Variants in MPND observed in about 807,000 individuals in gnomAD.
MPND encodes the protein MPN domain containing.
A neutral mutation model predicts 59.2 loss-of-function variants in MPND; 56 were observed. The observed-to-expected ratio is 0.95, with a 90% CI of 0.76 to 1.18. The LOEUF (loss-of-function observed/expected upper bound fraction) is 1.18, where lower values mean the gene tolerates loss of function less well. MPND is among the 50% of genes most tolerant of loss of function. MPND has a pLI of 0.00. For synonymous variants in MPND, 323 were observed against 291.9 expected (o/e 1.11, Z -1.09); for missense variants, 671 against 676.0 (o/e 0.99, Z 0.08).
At chr19:4,344,125 G>T (rs1460506241) in intron 2 of MPND, 131 bp downstream of exon 2, 2 of 615,552 alleles carry the variant, frequency 3.2e-6, no homozygotes, top group South Asian at 8.0e-5. Context: ...CCCTTGCTGA[G>T]AGACGAGCCC....
intron 8 of MPND, among the ~76,000 whole-genome samples, chr19:4,355,811 G>C (rs1352985376): frequency 4.6e-5 from 7 of 151,252 alleles, no homozygotes; most frequent in Non-Finnish European, 1.0e-4. Flanking sequence ...GCCCACCTCG[G>C]TCTCCCAAAG....
intron 9 of MPND, 41 bp downstream of exon 9, chr19:4,357,462 T>C (rs371185581): frequency 1.9e-5 from 30 of 1,609,424 alleles, no homozygotes; most frequent in Non-Finnish European, 2.5e-5. Context: ...GGAGGGGGGA[T>C]GCTGGGCCAG....
Position 4,343,934 on chromosome 19 carries a change from G to GGCT in MPND, c.235_236insCTG (p.Arg78_Val79insAla). 7.3e-7 allele frequency: 1 copy of GGCT among 1,369,922 alleles called. No homozygotes were observed. Among genetic ancestry groups the GGCT allele is most frequent in the South Asian group, 1.7e-5 (1 of 59,112 alleles). The allele number at this position is 1,369,922 out of a possible 1,614,324, so 84.9% of individuals were successfully genotyped here. The stretch of plus-strand genomic sequence containing the variant: ...TCACCAGGCGCGCGGTCACACTGCG[G>GGCT]GTGCTCCTCAAAGACGCGCTGCTGG... On this transcript the variant is annotated inframe_insertion, in exon 2 of 13. Coordinates refer to ENST00000599840, the MANE Select transcript of MPND (RefSeq NM_001300862.2).
intron 3 of MPND, 93 bp from the exon 4 acceptor site, chr19:4,352,804 C>T: frequency 7.9e-7 from 1 of 1,271,386 alleles, no homozygotes; most frequent in Non-Finnish European, 1.0e-6. Context: ...GCACTTACGG[C>T]TTAGGCCAAA....
rs1972489583 is a variant in MPND at position 4,358,230 on chromosome 19, T to C, written c.1326+58T>C. 4 of 1,429,252 alleles carry C rather than the reference T, an allele frequency of 2.8e-6. No homozygotes were observed. In the South Asian group the frequency reaches 3.7e-5, roughly 13 times the overall value. The allele number at this position is 1,429,252 out of a possible 1,614,324, so 88.5% of individuals were successfully genotyped here. On this transcript the variant is annotated intron_variant, in intron 11 of 12. Coordinates refer to ENST00000599840, the MANE Select transcript of MPND (RefSeq NM_001300862.2). ...TGGCAGTGCGCAGCTGGGCACACGA[T>C]GCGTTGGTCTGCTTCCCACCGGTGG...
chr19:4,359,353 G>A (rs1056102600), intron 12 of MPND, 98 bp downstream of exon 12: 1 of 858,750 alleles, frequency 1.2e-6, no homozygotes, highest in Non-Finnish European at 1.9e-6. Flanking sequence ...GGGCCTCAGG[G>A]GCCTGAGACA....
Position 4,359,190 on chromosome 19 carries a change from T to TC in MPND, c.1358dup (p.Asp454Ter). The TC allele has an allele frequency of 6.2e-7, 1 of 1,613,114 alleles. No individual in the cohort carries two copies. The highest frequency in any genetic ancestry group is 1.1e-5 in the South Asian group (1 of 91,048). On this transcript the variant is annotated frameshift_variant, in exon 12 of 13. Transcript: ENST00000599840. LOFTEE classifies it high-confidence loss of function. ...GCTGCTGGTGGAGTTCTACAAGGGT[T>TC]CCCCTGACCTCGTGAGGCTCCAGGA...
chr19:4,352,429 A>T (rs1357058965), intron 3 of MPND, among the ~76,000 whole-genome samples: 3 of 152,170 alleles, frequency 2.0e-5, no homozygotes, highest in Non-Finnish European at 4.4e-5. Flanking sequence ...TTACGCCTGT[A>T]ATCCCAGCAC....
chr19:4,355,863 T>G (rs1248042636), intron 8 of MPND, among the ~76,000 whole-genome samples: 1 of 143,874 alleles, frequency 7.0e-6, no homozygotes, highest in Admixed American at 6.9e-5. Context: ...CGGCCTTTTT[T>G]TTTTTTTTCT....
intron 3 of MPND, among the ~76,000 whole-genome samples, chr19:4,351,627 C>T (rs949650704): frequency 1.3e-5 from 2 of 151,796 alleles, no homozygotes; most frequent in African/African-American, 2.4e-5. Flanking sequence ...CTTTGGGTGG[C>T]CGAGATGGGC....
intron 10 of MPND, 121 bp downstream of exon 10, chr19:4,357,706 C>G (rs1972474315): frequency 3.1e-6 from 3 of 960,152 alleles, no homozygotes; most frequent in Admixed American, 2.8e-5. Flanking sequence ...GTTTCTCCAT[C>G]TATGAAATGG....
At chr19:4,358,839 A>C (rs1358855739) in intron 11 of MPND, among the ~76,000 whole-genome samples, 1 of 152,146 alleles carries the variant, frequency 6.6e-6, no homozygotes, top group Admixed American at 6.5e-5. Context: ...GTGACCTCAC[A>C]GGTGTCACTG....
chr19:4,352,183 A>G (rs1972333626), intron 3 of MPND, among the ~76,000 whole-genome samples: 2 of 152,110 alleles, frequency 1.3e-5, no homozygotes, highest in African/African-American at 4.8e-5. Flanking sequence ...AAAGAAAAAA[A>G]AAAAGATAAA....
intron 11 of MPND, among the ~76,000 whole-genome samples, chr19:4,358,940 G>A (rs1003896621): frequency 6.6e-6 from 1 of 152,176 alleles, no homozygotes; most frequent in African/African-American, 2.4e-5. Context: ...TGGACCTCTC[G>A]TGGCAGCCAC....
At chr19:4,350,772 A>T (rs903892317) in intron 3 of MPND, among the ~76,000 whole-genome samples, 2 of 151,904 alleles carry the variant, frequency 1.3e-5, no homozygotes, top group African/African-American at 4.8e-5. Context: ...CTGAGTCTGG[A>T]GCCGGGCGAG....
At chr19:4,352,348 T>G (rs925904021) in intron 3 of MPND, among the ~76,000 whole-genome samples, 1 of 152,202 alleles carries the variant, frequency 6.6e-6, no homozygotes, top group Non-Finnish European at 1.5e-5. Flanking sequence ...TAGGCATAAA[T>G]GGCAATGGTG....
chr19:4,357,935 C>G, intron 10 of MPND, 148 bp from the exon 11 acceptor site: 1 of 666,094 alleles, frequency 1.5e-6, no homozygotes, highest in Non-Finnish European at 2.6e-6. Context: ...CACTGCCTCC[C>G]TGGTCCCACC....
In MPND at chr19:4,345,841, T is replaced by A; in HGVS notation, c.391T>A (p.Cys131Ser). 2 of 1,614,060 alleles carry A rather than the reference T, an allele frequency of 1.2e-6. No homozygotes were observed. The highest frequency in any genetic ancestry group is 1.7e-6 in the Non-Finnish European group (2 of 1,180,030). Residue 131 changes from cysteine to serine, a missense_variant, in exon 3 of 13, where the codon TGC (cysteine) becomes AGC (serine). Physicochemically the swap from Cys to Ser is moderately radical, Grantham distance 112 (BLOSUM62 -1). Transcript: ENST00000599840. ...FNSPSAWATH[C>S]KKLVNPAKKS... Reference sequence around the variant, plus strand: ...CTCACCCAGCGCCTGGGCCACCCACTGCAAGAAGCTGGTGAACCCTGCCAA... The same window carrying A: ...CTCACCCAGCGCCTGGGCCACCCACAGCAAGAAGCTGGTGAACCCTGCCAA...
At chr19:4,345,615 C>T (rs1441038591) in intron 2 of MPND, 130 bp from the exon 3 acceptor site, 7 of 799,408 alleles carry the variant, frequency 8.8e-6, no homozygotes, top group Admixed American at 2.4e-5. Flanking sequence ...GCCCTGCAGC[C>T]GGCCTGAGAG....
Sources: allele counts gnomAD v4.1 joint callset (sites outside exome capture counted in the v4.1 genomes callset), GRCh38; gene constraint gnomAD v4.1.1; transcripts MANE v1.5; gene names NCBI Gene and HGNC (gene_info 2026-07-23, HGNC 2026-07-21).